Variants in SMG5 observed in about 807,000 individuals in gnomAD.
SMG5 encodes SMG5 nonsense mediated mRNA decay factor, also known as nonsense-mediated mRNA decay factor SMG5.
Under a neutral mutation model 122.9 loss-of-function variants are expected in SMG5, and 53 were observed. That is an observed-to-expected ratio of 0.43 (90% CI 0.35 to 0.54). The LOEUF (loss-of-function observed/expected upper bound fraction) is 0.54. Ranked by LOEUF, SMG5 falls within the 20% of genes least tolerant of loss-of-function variation. The pLI, the probability that SMG5 is intolerant of heterozygous loss-of-function variation, is 0.01. For synonymous variants in SMG5, 477 were observed against 490.2 expected (o/e 0.97, Z 0.35); for missense variants, 1,153 against 1,285.6 (o/e 0.90, Z 1.58).
chr1:156,250,812 C>T (rs1388092064), intron 21 of SMG5, 46 bp downstream of exon 21: 1 of 1,610,358 alleles, frequency 6.2e-7, no homozygotes, highest in Non-Finnish European at 8.5e-7. Context: ...TGCTCTGGTA[C>T]CTCGTCCCTA....
At chr1:156,250,742 G>C (rs753576722) in intron 21 of SMG5, 72 bp from the exon 22 acceptor site, 3 of 1,600,754 alleles carry the variant, frequency 1.9e-6, no homozygotes, top group Non-Finnish European at 2.6e-6. Context: ...TTGAGGCGCT[G>C]GGGAAGGAGT....
At chr1:156,257,478 G>A (rs763514552) in intron 16 of SMG5, among the ~76,000 whole-genome samples, 4 of 152,094 alleles carry the variant, frequency 2.6e-5, no homozygotes, top group African/African-American at 9.7e-5. Context: ...AGCACCACAT[G>A]AGAAGGGCTT....
upstream of SMG5, chr1:156,285,101 C>T: frequency 1.6e-6 from 2 of 1,256,538 alleles, no homozygotes; most frequent in Non-Finnish European, 2.1e-6. Flanking sequence ...AGCCAGTTGC[C>T]CTGGAGAGTA....
chr1:156,257,821 G>A (rs967278545), intron 16 of SMG5, among the ~76,000 whole-genome samples: 10 of 152,142 alleles, frequency 6.6e-5, no homozygotes, highest in Admixed American at 1.3e-4. Flanking sequence ...GAATGTGGAG[G>A]AGGGGATTGG....
the SMG5 span, chr1:156,291,263 G>C: frequency 1.3e-6 from 1 of 799,452 alleles, no homozygotes; most frequent in Non-Finnish European, 2.1e-6. Context: ...GTATTTGGAA[G>C]TACCAGCCAT....
chr1:156,282,535 C>G, intron 1 of SMG5, 72 bp downstream of exon 1: 2 of 1,508,388 alleles, frequency 1.3e-6, no homozygotes, highest in Non-Finnish European at 1.8e-6. Context: ...GCCCCGCCCG[C>G]CCGGGAGGCC....
At chr1:156,251,194 A>C in intron 20 of SMG5, 198 bp from the exon 21 acceptor site, 1 of 882,800 alleles carries the variant, frequency 1.1e-6, no homozygotes, top group Non-Finnish European at 1.8e-6. Flanking sequence ...GAGCATCGCA[A>C]GGCCCAAAGA....
chr1:156,285,730 C>T, upstream of SMG5: 2 of 1,613,222 alleles, frequency 1.2e-6, no homozygotes, highest in Non-Finnish European at 8.5e-7. Context: ...CCCACCCCGA[C>T]CCCACTGAGC....
chr1:156,265,545 G>T (rs1386851863), intron 12 of SMG5, among the ~76,000 whole-genome samples: 1 of 152,042 alleles, frequency 6.6e-6, no homozygotes, highest in Non-Finnish European at 1.5e-5. Flanking sequence ...AAACCCACAG[G>T]ACAGGGTGAA....
chr1:156,255,222 G>A (rs1039633329), intron 16 of SMG5, among the ~76,000 whole-genome samples: 12 of 151,966 alleles, frequency 7.9e-5, no homozygotes, highest in African/African-American at 2.7e-4. Flanking sequence ...TGGCCAACAT[G>A]GTGAAACCCT....
intron 1 of SMG5, among the ~76,000 whole-genome samples, chr1:156,281,418 G>A (rs1234810584): frequency 1.3e-5 from 2 of 152,174 alleles, no homozygotes; most frequent in Admixed American, 1.3e-4. Flanking sequence ...TAAGGCACAC[G>A]TGCCACCCCC....
rs527705774 is a variant in SMG5 at position 156,262,225 on chromosome 1, G to A, written c.2032-817C>T. On this transcript the variant is annotated intron_variant, in intron 13 of 21. Transcript: ENST00000361813. ...TGAAAGAAGAAAGCAGGCCGGGCGC[G>A]GTGGCTCACGCCTGTAATCCCAGCA... Among the ~76,000 whole-genome samples the A allele has an allele frequency of 5.3e-5, 8 of 152,070 alleles. No individual in the cohort carries two copies. The South Asian group carries it at 6.2e-4, about 12-fold the overall frequency.
intron 12 of SMG5, among the ~76,000 whole-genome samples, chr1:156,264,161 G>A (rs1468153866): frequency 1.3e-5 from 2 of 150,518 alleles, no homozygotes; most frequent in African/African-American, 2.4e-5. Context: ...TCAGCTACTC[G>A]GGAGGCTGAG....
chr1:156,274,188 T>C (rs1355818055), intron 5 of SMG5, among the ~76,000 whole-genome samples: 1 of 152,202 alleles, frequency 6.6e-6, no homozygotes, highest in Admixed American at 6.5e-5. Flanking sequence ...AGAGTACTTT[T>C]CCATCCTTAG....
intron 20 of SMG5, 138 bp downstream of exon 20, chr1:156,251,265 G>T: frequency 9.4e-7 from 1 of 1,068,696 alleles, no homozygotes; most frequent in Non-Finnish European, 1.4e-6. Flanking sequence ...TCCTCGCAAG[G>T]TGAGGCCTGC....
chr1:156,278,875 G>A (rs1440630649), intron 2 of SMG5, 61 bp downstream of exon 2: 11 of 1,396,230 alleles, frequency 7.9e-6, no homozygotes, highest in Non-Finnish European at 7.1e-6. Flanking sequence ...ATCTGAGAAG[G>A]TTTCTGGTAG....
chr1:156,280,720 A>C (rs1295423189), intron 1 of SMG5, among the ~76,000 whole-genome samples: 1 of 152,202 alleles, frequency 6.6e-6, no homozygotes, highest in East Asian at 1.9e-4. Context: ...AGGAAGTTCT[A>C]ATTGAAAACG....
At chr1:156,252,780 G>A (rs1015017433) in intron 18 of SMG5, 139 bp downstream of exon 18, 7 of 912,452 alleles carry the variant, frequency 7.7e-6, no homozygotes, top group Admixed American at 2.9e-5. Flanking sequence ...TTTCACAGAT[G>A]AAGTGACGGG....
rs778191172 is a variant in SMG5, at chr1:156,266,542, T to C, written c.1254A>G (p.Thr418=). ...NPVPAFQSDG[T]DEPESKEPVE... is the part of the protein sequence containing the mutation. ...TGATGACCTCCCCGATTCTCCCACC[T>C]GTGCCATCACTCTGGAATGCCGGGA... The change falls in exon 11 of 22, where the codon ACA becomes ACG. Residue 418 remains threonine (T), a splice_region_variant and synonymous_variant. Coordinates refer to ENST00000361813, the MANE Select transcript of SMG5 (RefSeq NM_015327.3). The C allele has an allele frequency of 1.2e-6, 2 of 1,614,182 alleles. No individual in the cohort carries two copies. Among genetic ancestry groups the C allele is most frequent in the Non-Finnish European group, 1.7e-6 (2 of 1,180,040 alleles).
Sources: gnomAD v4.1 joint callset for allele counts (sites outside exome capture counted in the v4.1 genomes callset) on GRCh38, gnomAD v4.1.1 for gene constraint, MANE v1.5 for transcripts, NCBI Gene and HGNC (gene_info 2026-07-23, HGNC 2026-07-21) for gene names.